The following TNFSF13B variants were observed in gnomAD, a reference collection of about 807,000 sequenced individuals.
TNFSF13B encodes the protein tumor necrosis factor ligand superfamily member 13B.
A neutral mutation model predicts 29.1 loss-of-function variants in TNFSF13B; 8 were observed. The ratio of observed to expected loss-of-function variants is 0.27; its 90% confidence interval spans 0.16 to 0.50. The LOEUF is 0.50. TNFSF13B is among the 20% of genes least tolerant of loss of function. The pLI is 0.98. For missense variants in TNFSF13B, 248 were observed against 334.9 expected, an observed-to-expected ratio of 0.74 and a Z score of 2.03; for synonymous variants, 125 against 130.8, an observed-to-expected ratio of 0.96 and a Z score of 0.30.
intron 2 of TNFSF13B, among the ~76,000 whole-genome samples, 173 bp from the exon 3 acceptor site, chr13:108,286,628 CAT>C (rs34506170): frequency 0.21 from 32,181 of 151,596 alleles, 4,075 homozygotes; most frequent in East Asian, 0.42. Context: ...ATATATATAT[CAT>C]ATATATAAAT....
chr13:108,304,872 C>A (rs1193141422), intron 5 of TNFSF13B, among the ~76,000 whole-genome samples: 1 of 152,128 alleles, frequency 6.6e-6, no homozygotes, highest in African/African-American at 2.4e-5. Flanking sequence ...AATTCCCTAA[C>A]TTTCATAAAG....
chr13:108,280,332 T>C (rs951985780), intron 2 of TNFSF13B, among the ~76,000 whole-genome samples: 9 of 152,174 alleles, frequency 5.9e-5, no homozygotes, highest in African/African-American at 1.7e-4. Context: ...ATGAGAAAGA[T>C]AAAGCATTAT....
At chr13:108,303,754 T>G (rs1173076079) in intron 5 of TNFSF13B, 150 bp downstream of exon 5, 1 of 799,742 alleles carries the variant, frequency 1.3e-6, no homozygotes, top group Admixed American at 2.8e-5. Flanking sequence ...TTTTAAATCT[T>G]GAATAATAAG....
At chr13:108,272,964 A>T (rs1880661561) in intron 2 of TNFSF13B, among the ~76,000 whole-genome samples, 1 of 152,106 alleles carries the variant, frequency 6.6e-6, no homozygotes, top group Non-Finnish European at 1.5e-5. Context: ...TTCTCCTATT[A>T]ATACTTTTAT....
chr13:108,287,176 C>T (rs541353833), intron 3 of TNFSF13B, among the ~76,000 whole-genome samples: 8 of 151,810 alleles, frequency 5.3e-5, no homozygotes, highest in East Asian at 3.9e-4. Flanking sequence ...TGTTAAATGA[C>T]GAGTTAATGG....
chr13:108,292,372 G>A (rs1467376957), intron 3 of TNFSF13B, among the ~76,000 whole-genome samples: 2 of 151,984 alleles, frequency 1.3e-5, no homozygotes, highest in Admixed American at 1.3e-4. Flanking sequence ...AGGGTATTTG[G>A]TTTGTTTCCA....
chr13:108,275,981 T>C (rs145611384), intron 2 of TNFSF13B, among the ~76,000 whole-genome samples: 30 of 152,344 alleles, frequency 2.0e-4, no homozygotes, highest in African/African-American at 6.5e-4. Flanking sequence ...ACCTTTCTAA[T>C]TGCTAAAAGT....
At chr13:108,303,786 A>G (rs1359193433) in intron 5 of TNFSF13B, among the ~76,000 whole-genome samples, 182 bp downstream of exon 5, 1 of 152,228 alleles carries the variant, frequency 6.6e-6, no homozygotes, top group Non-Finnish European at 1.5e-5. Context: ...TAATTGAGAA[A>G]GATGGAATTA....
In TNFSF13B at chr13:108,270,399, T is replaced by C; in HGVS notation, c.399T>C (p.Arg133=). 6.2e-7 allele frequency: 1 copy of C among 1,614,050 alleles called. No homozygotes were observed. Among genetic ancestry groups the C allele is most frequent in the Non-Finnish European group, 8.5e-7 (1 of 1,179,922 alleles). ...CCAGTCAGAACAGCAGAAATAAGCG[T>C]GCCGTTCAGGGTCCAGAAGAAACAG... ...GNSSQNSRNK[R]AVQGPEETVT... is the part of the protein sequence containing the mutation. Residue 133 remains arginine, a synonymous_variant, in exon 2 of 6, where the codon CGT becomes CGC. Transcript: ENST00000375887.
At chr13:108,303,042 A>T (rs776223137) in intron 3 of TNFSF13B, 7 of 523,790 alleles carry the variant, frequency 1.3e-5, no homozygotes, top group Non-Finnish European at 2.2e-5. Context: ...CTTGTATCTG[A>T]TATATTAACC....
At chr13:108,281,617 A>G (rs570272915) in intron 2 of TNFSF13B, among the ~76,000 whole-genome samples, 1 of 152,316 alleles carries the variant, frequency 6.6e-6, no homozygotes, top group African/African-American at 2.4e-5. Context: ...TTCCTCAAGT[A>G]CAAGGTCTGT....
rs544936774 is a variant in TNFSF13B at position 108,293,786 on chromosome 13, T to C, written c.481+6927T>C. Among the ~76,000 whole-genome samples the C allele has an allele frequency of 1.0e-3, 153 of 152,286 alleles. 1 individual carries two copies. The highest frequency in any genetic ancestry group is 3.6e-3 in the African/African-American group (148 of 41,564). On this transcript the variant is annotated intron_variant, in intron 3 of 5. Coordinates refer to ENST00000375887, the MANE Select transcript of TNFSF13B (RefSeq NM_006573.5). The stretch of plus-strand genomic sequence containing the variant: ...TTCTGGAGGCTGGAAAATTCAAGAT[T>C]AAGGTGCCAACAGATTTGGTTTGTG...
At chr13:108,280,816 A>G (rs1210894878) in intron 2 of TNFSF13B, among the ~76,000 whole-genome samples, 1 of 152,142 alleles carries the variant, frequency 6.6e-6, no homozygotes, top group Admixed American at 6.5e-5. Flanking sequence ...TTAAAATATG[A>G]GTGGATATGT....
intron 3 of TNFSF13B, among the ~76,000 whole-genome samples, chr13:108,299,701 A>G (rs896254679): frequency 2.0e-5 from 3 of 152,122 alleles, no homozygotes; most frequent in Admixed American, 1.3e-4. Context: ...TCAAACTTTC[A>G]CTAGGCTGTC....
Position 108,303,314 on chromosome 13 carries a change from A to G in TNFSF13B, c.543A>G (p.Lys181=), listed in dbSNP as rs763798352. 6.2e-7 allele frequency: 1 copy of G among 1,613,492 alleles called. No individual in the cohort carries two copies. The highest frequency in any genetic ancestry group is 1.3e-5 in the African/African-American group (1 of 74,902). The change falls in exon 4 of 6, where the codon AAA becomes AAG. Residue 181 remains lysine (K), a synonymous_variant. Coordinates refer to ENST00000375887, the MANE Select transcript of TNFSF13B (RefSeq NM_006573.5). ...AAAGGGGAAGTGCCCTAGAAGAAAAAGAGAATAAAATATTGGTCAAAGAAA... is the reference window on the plus strand; with the variant it reads ...AAAGGGGAAGTGCCCTAGAAGAAAAGGAGAATAAAATATTGGTCAAAGAAA... ...SFKRGSALEE[K]ENKILVKETG... is the part of the protein sequence containing the mutation.
At chr13:108,279,433 C>T (rs577918103) in intron 2 of TNFSF13B, among the ~76,000 whole-genome samples, 6 of 152,226 alleles carry the variant, frequency 3.9e-5, no homozygotes, top group African/African-American at 1.4e-4. Context: ...TGGAGTTCCA[C>T]TGGATAGAAG....
intron 5 of TNFSF13B, among the ~76,000 whole-genome samples, chr13:108,303,972 A>G (rs1322242617): frequency 6.6e-6 from 1 of 152,178 alleles, no homozygotes; most frequent in Non-Finnish European, 1.5e-5. Context: ...AATATCTGAC[A>G]AGGATAGAGT....
rs138043496 is a variant in TNFSF13B at position 108,273,787 on chromosome 13, C to A, written c.424+3363C>A. ...AACACCATGAGACCTATAGAAAATG[C>A]GATAGTGATGCTGGAAATGCTCCCA... On this transcript the variant is annotated intron_variant, in intron 2 of 5. Transcript: ENST00000375887. Among the ~76,000 whole-genome samples the A allele has an allele frequency of 2.0e-5, 3 of 152,006 alleles. No individual in the cohort carries two copies. The East Asian group carries it at 5.8e-4, about 29-fold the overall frequency.
chr13:108,303,573 A>G lies in TNFSF13B; in HGVS notation c.714A>G (p.Glu238=). 2 of 1,613,494 alleles carry G rather than the reference A, an allele frequency of 1.2e-6. No individual in the cohort carries two copies. Among genetic ancestry groups the G allele is most frequent in the Non-Finnish European group, 1.7e-6 (2 of 1,179,704 alleles). The change falls in exon 5 of 6, where the codon GAA becomes GAG. Residue 238 remains glutamate, a synonymous_variant. Coordinates refer to ENST00000375887, the MANE Select transcript of TNFSF13B (RefSeq NM_006573.5). ...TTCGATGTATTCAAAATATGCCTGA[A>G]ACACTACCCAATAATTCCTGCTATT... ...TLFRCIQNMP[E]TLPNNSCYSA...
Sources: gnomAD v4.1 joint callset for allele counts (sites outside exome capture counted in the v4.1 genomes callset) on GRCh38, gnomAD v4.1.1 for gene constraint, MANE v1.5 for transcripts, NCBI Gene and HGNC (gene_info 2026-07-23, HGNC 2026-07-21) for gene names.